Variants in SEC14L4 observed in about 807,000 individuals in gnomAD.
SEC14L4 encodes SEC14-like protein 4.
Under a neutral mutation model 55.1 loss-of-function variants are expected in SEC14L4, and 42 were observed. The observed-to-expected ratio is 0.76, with a 90% CI of 0.60 to 0.99. The LOEUF is 0.99. Ranked by LOEUF, SEC14L4 falls within the 50% of genes least tolerant of loss-of-function variation. The pLI, the probability that SEC14L4 is intolerant of heterozygous loss-of-function variation, is 0.00. For synonymous variants in SEC14L4, 206 were observed against 206.8 expected (o/e 1.00, Z 0.03); for missense variants, 445 against 512.1 (o/e 0.87, Z 1.27).
At chr22:30,497,678 C>G (rs921922392) in intron 2 of SEC14L4, among the ~76,000 whole-genome samples, 5 of 152,186 alleles carry the variant, frequency 3.3e-5, no homozygotes, top group East Asian at 1.9e-4. Flanking sequence ...CCAGCCCCAT[C>G]ATCAGAGGTC....
At chr22:30,505,029 G>A (rs1936446950) in intron 1 of SEC14L4, among the ~76,000 whole-genome samples, 1 of 151,926 alleles carries the variant, frequency 6.6e-6, no homozygotes, top group Admixed American at 6.6e-5. Flanking sequence ...CTACTTGGGA[G>A]GCTGAGGCAG....
rs528620092 is a variant in SEC14L4, at chr22:30,489,428, C to T, written c.*679G>A. On this transcript the variant is annotated 3_prime_UTR_variant, in exon 12 of 12. Transcript: ENST00000255858. ...CTAATTTTTGTATTTTTAGTAGAGA[C>T]AGGGTTTCACCATGTTGCCCAGGCT... 31 of 197,918 alleles carry T rather than the reference C, an allele frequency of 1.6e-4. 1 individual carries two copies. The South Asian group carries it at 3.2e-3, about 21-fold the overall frequency. The allele number at this position is 197,918 out of a possible 1,614,324, so 12.3% of individuals were successfully genotyped here.
At chr22:30,499,086 A>G (rs757901157) in intron 2 of SEC14L4, among the ~76,000 whole-genome samples, 24 of 151,350 alleles carry the variant, frequency 1.6e-4, no homozygotes, top group African/African-American at 3.9e-4. Flanking sequence ...GACTACAGGC[A>G]CCCGCCACCA....
intron 8 of SEC14L4, 91 bp downstream of exon 8, chr22:30,492,383 A>C (rs1470903698): frequency 7.7e-7 from 1 of 1,294,308 alleles, no homozygotes; most frequent in South Asian, 1.2e-5. Flanking sequence ...GTAGTGCCCG[A>C]GTAGAGGACG....
chr22:30,490,006 C>T lies in SEC14L4; in HGVS notation c.*101G>A, dbSNP rs1935898079. ...TGAAATGGTGACGTGGGACAAGTGG[C>T]TCTCTGCAGCCACCTCCAGCACCAC... On this transcript the variant is annotated 3_prime_UTR_variant, in exon 12 of 12. Transcript: ENST00000255858. 1 of 1,566,836 alleles carries T rather than the reference C, an allele frequency of 6.4e-7. No individual in the cohort carries two copies. Among genetic ancestry groups the T allele is most frequent in the Non-Finnish European group, 8.7e-7 (1 of 1,154,840 alleles).
intron 2 of SEC14L4, among the ~76,000 whole-genome samples, chr22:30,502,290 G>A (rs754420168): frequency 6.6e-6 from 1 of 152,148 alleles, no homozygotes; most frequent in Non-Finnish European, 1.5e-5. Flanking sequence ...GACTCACAGC[G>A]CCCTGAAGGT....
chr22:30,496,684 T>C (rs1936163222), intron 2 of SEC14L4, among the ~76,000 whole-genome samples: 1 of 152,180 alleles, frequency 6.6e-6, no homozygotes, highest in South Asian at 2.1e-4. Context: ...AGCAAGTCAC[T>C]TACCTTCTCT....
At chr22:30,497,568 C>T (rs1327712987) in intron 2 of SEC14L4, among the ~76,000 whole-genome samples, 1 of 151,928 alleles carries the variant, frequency 6.6e-6, no homozygotes, top group Non-Finnish European at 1.5e-5. Context: ...ACAGCTCAGC[C>T]TTGATTATCT....
In SEC14L4 at chr22:30,495,919, G is replaced by C. The variant is rs1301219924; in HGVS notation, c.174+9C>G. On this transcript the variant is annotated intron_variant, in intron 3 of 11. Transcript: ENST00000255858. Reference sequence around the variant, plus strand: ...GGAAGGCAGGGCAGTAGGGATCACAGATCCTTACCCTTCGGAGCATGTCTT... The same window carrying C: ...GGAAGGCAGGGCAGTAGGGATCACACATCCTTACCCTTCGGAGCATGTCTT... 1.2e-6 allele frequency: 2 copies of C among 1,613,840 alleles called. No individual in the cohort carries two copies. Among genetic ancestry groups the C allele is most frequent in the Middle Eastern group, 1.6e-4 (1 of 6,062 alleles).
At position 30,489,594 on chromosome 22, in the gene SEC14L4, C is replaced by T. The variant is rs1295043524; in HGVS notation, c.*513G>A. 4 of 567,930 alleles carry T rather than the reference C, an allele frequency of 7.0e-6. No individual in the cohort carries two copies. In the African/African-American group the frequency reaches 7.5e-5, roughly 11 times the overall value. 35.2% of individuals were successfully genotyped at this position (567,930 alleles called of 1,614,324 possible). ...GAACAAACTTGGATGGGCCCCAGTG[C>T]TCTGCTGGAACCAGGACCCTCACCC... On this transcript the variant is annotated 3_prime_UTR_variant, in exon 12 of 12. Transcript: ENST00000255858.
chr22:30,493,347 C>T (rs943980009), intron 7 of SEC14L4, among the ~76,000 whole-genome samples: 6 of 152,210 alleles, frequency 3.9e-5, no homozygotes, highest in African/African-American at 1.4e-4. Context: ...TCTCCACACA[C>T]TGTTTCATTT....
intron 1 of SEC14L4, 66 bp downstream of exon 1, chr22:30,505,492 C>G (rs566302565): frequency 4.1e-6 from 6 of 1,469,238 alleles, no homozygotes; most frequent in Admixed American, 3.9e-5. Flanking sequence ...GGGCTCCAGC[C>G]GGGTTGGGCA....
intron 2 of SEC14L4, among the ~76,000 whole-genome samples, chr22:30,502,192 A>G (rs1475774270): frequency 6.6e-6 from 1 of 152,114 alleles, no homozygotes; most frequent in African/African-American, 2.4e-5. Context: ...ACAAAAAAAC[A>G]AAAACAGACA....
intron 2 of SEC14L4, among the ~76,000 whole-genome samples, chr22:30,502,839 T>C (rs961770603): frequency 2.7e-5 from 4 of 147,500 alleles, no homozygotes; most frequent in African/African-American, 7.6e-5. Context: ...GTGTGAGCCA[T>C]CGCATCTGGC....
In SEC14L4 at chr22:30,495,927, C is replaced by A; in HGVS notation, c.174+1G>T. 6.2e-7 allele frequency: 1 copy of A among 1,613,932 alleles called. No homozygotes were observed. The highest frequency in any genetic ancestry group is 8.5e-7 in the Non-Finnish European group (1 of 1,179,914). ...GGGCAGTAGGGATCACAGATCCTTA[C>A]CCTTCGGAGCATGTCTTCGGATTTC... On this transcript the variant is annotated splice_donor_variant, in intron 3 of 11. Transcript: ENST00000255858. LOFTEE classifies it high-confidence loss of function.
rs9608956 is a variant in SEC14L4 at position 30,505,605 on chromosome 22, T to C, written c.7A>G (p.Ser3Gly). The change falls in exon 1 of 12, where the codon AGC becomes GGC. Residue 3 changes from serine (S) to glycine (G), a missense_variant. By Grantham distance (56) the Ser-to-Gly change is moderately conservative. Coordinates refer to ENST00000255858, the MANE Select transcript of SEC14L4 (RefSeq NM_174977.4). MSSRVGDLSPQQQ... is the reference protein window; with the variant it reads MSGRVGDLSPQQQ... Reference sequence around the variant, plus strand: ...TGGGGGCTCAGGTCCCCGACTCGGCTGCTCATGGTGCCCGCGGGCGCAGAA... The same window carrying C: ...TGGGGGCTCAGGTCCCCGACTCGGCCGCTCATGGTGCCCGCGGGCGCAGAA... 374,992 of 1,559,578 alleles carry C rather than the reference T, an allele frequency of 0.24. 47,098 individuals are homozygous for C. Among genetic ancestry groups the C allele is most frequent in the Middle Eastern group, 0.27 (1,551 of 5,722 alleles).
intron 7 of SEC14L4, among the ~76,000 whole-genome samples, chr22:30,493,554 C>T (rs1217581409): frequency 6.6e-6 from 1 of 152,206 alleles, no homozygotes; most frequent in Non-Finnish European, 1.5e-5. Context: ...TGTCCATCCA[C>T]TAGTGTGGTC....
chr22:30,501,846 C>CATATATATATATATATATATATATATAT (rs3067218), intron 2 of SEC14L4, among the ~76,000 whole-genome samples: 1 of 111,896 alleles, frequency 8.9e-6, no homozygotes, highest in Non-Finnish European at 1.8e-5. Context: ...CACACACGCA[C>CATATATATATATATATATATATATATAT]ATATATATAT....
chr22:30,492,297 A>C, intron 8 of SEC14L4, 142 bp from the exon 9 acceptor site: 1 of 1,213,702 alleles, frequency 8.2e-7, no homozygotes, highest in African/African-American at 1.5e-5. Flanking sequence ...CAAGACCTTT[A>C]TGTGGCTCCC....
Sources: allele counts gnomAD v4.1 joint callset (sites outside exome capture counted in the v4.1 genomes callset), GRCh38; gene constraint gnomAD v4.1.1; transcripts MANE v1.5; gene names NCBI Gene and HGNC (gene_info 2026-07-23, HGNC 2026-07-21).